PPP2R2B: variants seen among roughly 807,000 people sequenced by gnomAD.
PPP2R2B encodes serine/threonine-protein phosphatase 2A 55 kDa regulatory subunit B beta isoform.
In PPP2R2B, 5 loss-of-function variants were observed where a neutral mutation model predicts 46.0. The observed-to-expected ratio is 0.11, with a 90% CI of 0.06 to 0.23. The LOEUF (loss-of-function observed/expected upper bound fraction) is 0.23. PPP2R2B is among the 10% of genes least tolerant of loss of function. The pLI, the probability that PPP2R2B is intolerant of heterozygous loss-of-function variation, is 1.00. For missense variants in PPP2R2B, 367 were observed against 575.0 expected (o/e 0.64, Z 3.70); for synonymous variants, 215 against 206.7 (o/e 1.04, Z -0.34).
At chr5:146,684,935 T>C (rs1245228241) in intron 5 of PPP2R2B, among the ~76,000 whole-genome samples, 2 of 152,176 alleles carry the variant, frequency 1.3e-5, no homozygotes, top group Non-Finnish European at 1.5e-5. Context: ...CCGGTGACCA[T>C]GAGGCACACA....
At chr5:147,062,262 G>A (rs1451076399) in intron 2 of PPP2R2B, among the ~76,000 whole-genome samples, 1 of 152,144 alleles carries the variant, frequency 6.6e-6, no homozygotes, top group African/African-American at 2.4e-5. Flanking sequence ...TTGTGTAAGT[G>A]CACTCTAGGA....
chr5:147,035,510 A>G (rs539514675), intron 1 of PPP2R2B, among the ~76,000 whole-genome samples: 2 of 152,280 alleles, frequency 1.3e-5, no homozygotes, highest in East Asian at 3.9e-4. Context: ...CTGTTAGAAC[A>G]ACCCACTAAT....
intron 1 of PPP2R2B, among the ~76,000 whole-genome samples, chr5:146,934,509 G>T (rs190356367): frequency 1.4e-5 from 2 of 141,508 alleles, no homozygotes; most frequent in Admixed American, 1.5e-4. Context: ...CATGTCCTTC[G>T]CCCACTTTTT....
At chr5:146,770,270 G>A (rs1754762195) in intron 2 of PPP2R2B, among the ~76,000 whole-genome samples, 1 of 136,680 alleles carries the variant, frequency 7.3e-6, no homozygotes, top group Admixed American at 8.1e-5. Context: ...GGCGGAGGTT[G>A]CAGTAAGCCA....
chr5:146,817,810 G>A (rs1485356225), intron 2 of PPP2R2B, among the ~76,000 whole-genome samples: 9 of 152,112 alleles, frequency 5.9e-5, no homozygotes, highest in Non-Finnish European at 1.0e-4. Flanking sequence ...TTTGACCAAC[G>A]GTCAAATATT....
At chr5:146,647,383 G>A (rs894018854) in intron 6 of PPP2R2B, among the ~76,000 whole-genome samples, 1 of 152,184 alleles carries the variant, frequency 6.6e-6, no homozygotes, top group Non-Finnish European at 1.5e-5. Flanking sequence ...TTCTGAGACT[G>A]TTTTGAAAGA....
At chr5:146,734,475 CTGGT>C (rs1361319762) in intron 2 of PPP2R2B, among the ~76,000 whole-genome samples, 3 of 152,194 alleles carry the variant, frequency 2.0e-5, no homozygotes, top group Non-Finnish European at 2.9e-5. Context: ...GAGGCACAGA[CTGGT>C]TACTTATGGT....
intron 2 of PPP2R2B, among the ~76,000 whole-genome samples, chr5:146,825,539 AT>A (rs1758525445): frequency 6.6e-6 from 1 of 152,164 alleles, no homozygotes; most frequent in African/African-American, 2.4e-5. Flanking sequence ...TATTTGTATC[AT>A]AAGTGTTTTT....
At chr5:147,076,696 T>C (rs1250130937) in intron 2 of PPP2R2B, among the ~76,000 whole-genome samples, 1 of 152,206 alleles carries the variant, frequency 6.6e-6, no homozygotes, top group Non-Finnish European at 1.5e-5. Context: ...ATTGTAGTCT[T>C]TAGCCTAAGC....
intron 5 of PPP2R2B, among the ~76,000 whole-genome samples, chr5:146,690,298 C>G (rs1241051234): frequency 1.3e-5 from 2 of 152,194 alleles, no homozygotes; most frequent in South Asian, 2.1e-4. Context: ...TCTAGAGACC[C>G]TTCCCTTAAA....
chr5:146,828,235 C>T (rs191170680), intron 2 of PPP2R2B, among the ~76,000 whole-genome samples: 3 of 151,018 alleles, frequency 2.0e-5, no homozygotes, highest in Non-Finnish European at 4.4e-5. Flanking sequence ...TTCTATTATA[C>T]CCTAAAATAT....
intron 2 of PPP2R2B, among the ~76,000 whole-genome samples, chr5:146,778,785 A>G (rs1310192696): frequency 6.6e-6 from 1 of 152,230 alleles, no homozygotes; most frequent in Non-Finnish European, 1.5e-5. Flanking sequence ...TTAAGTAACA[A>G]TTTGGAAAAC....
chr5:146,846,956 G>A, intron 2 of PPP2R2B, among the ~76,000 whole-genome samples: 1 of 152,192 alleles, frequency 6.6e-6, no homozygotes, highest in East Asian at 1.9e-4. Context: ...CTTATCTCAT[G>A]CAGATCTTAG....
intron 2 of PPP2R2B, among the ~76,000 whole-genome samples, chr5:147,077,217 CAT>C (rs1456782748): frequency 2.7e-5 from 4 of 146,064 alleles, no homozygotes; most frequent in African/African-American, 5.0e-5. Flanking sequence ...ACAATATACA[CAT>C]ATGTATGCAT....
intron 2 of PPP2R2B, among the ~76,000 whole-genome samples, chr5:146,751,848 G>C (rs1412023265): frequency 6.6e-6 from 1 of 152,144 alleles, no homozygotes; most frequent in East Asian, 1.9e-4. Context: ...AAAAGCACAT[G>C]GGCTTTTCCA....
chr5:146,772,046 GA>G (rs1293503928), intron 2 of PPP2R2B, among the ~76,000 whole-genome samples: 1 of 152,058 alleles, frequency 6.6e-6, no homozygotes, highest in African/African-American at 2.4e-5. Context: ...TATACTAGCA[GA>G]AAATTGGAAA....
intron 2 of PPP2R2B, among the ~76,000 whole-genome samples, chr5:146,724,112 A>T (rs1045254860): frequency 6.6e-6 from 1 of 152,174 alleles, no homozygotes; most frequent in African/African-American, 2.4e-5. Context: ...GACCCTGGGC[A>T]GCTATGAGTC....
intron 2 of PPP2R2B, among the ~76,000 whole-genome samples, chr5:147,064,912 C>T (rs999068263): frequency 1.3e-5 from 2 of 152,190 alleles, no homozygotes; most frequent in Admixed American, 1.3e-4. Context: ...AATGAATTTT[C>T]TTGGAGTATC....
chr5:146,721,658 C>T (rs1780804223), intron 2 of PPP2R2B, among the ~76,000 whole-genome samples: 1 of 152,244 alleles, frequency 6.6e-6, no homozygotes. Context: ...GCTTCTTTGG[C>T]ACTTCCTTCT....
Sources: gnomAD v4.1 joint callset for allele counts (sites outside exome capture counted in the v4.1 genomes callset) on GRCh38, gnomAD v4.1.1 for gene constraint, MANE v1.5 for transcripts, NCBI Gene and HGNC (gene_info 2026-07-23, HGNC 2026-07-21) for gene names.